Variants in CADM4 observed in about 807,000 individuals in gnomAD.
The protein encoded by CADM4 is cell adhesion molecule 4, also known as TSLC1-like 2.
CADM4 carries 13 observed loss-of-function variants against 43.9 expected under a neutral mutation model. The ratio of observed to expected loss-of-function variants is 0.30; its 90% CI spans 0.19 to 0.47. The LOEUF (loss-of-function observed/expected upper bound fraction) is 0.47, where lower values mean the gene tolerates loss of function less well. Ranked by LOEUF, CADM4 falls within the 20% of genes least tolerant of loss-of-function variation. CADM4 has a pLI of 1.00. For missense variants in CADM4, 420 were observed against 527.0 expected, an observed-to-expected ratio of 0.80 and a Z score of 1.99; for synonymous variants, 209 against 220.9, an observed-to-expected ratio of 0.95 and a Z score of 0.48.
upstream of CADM4, among the ~76,000 whole-genome samples, chr19:43,640,003 C>A (rs1973756237): frequency 6.8e-6 from 1 of 146,010 alleles, no homozygotes; most frequent in African/African-American, 2.5e-5. Context: ...GGTGCGAAAG[C>A]TGGAGAGGAG....
In CADM4 at chr19:43,626,332, C is replaced by G. The variant is rs1484566917; in HGVS notation, c.500-44G>C. 10 of 1,594,868 alleles carry G rather than the reference C, an allele frequency of 6.3e-6. No homozygotes were observed. Among genetic ancestry groups the G allele is most frequent in the Non-Finnish European group, 8.5e-6 (10 of 1,172,054 alleles). ...ACACTGTCAGGCCACAATTCCGGCT[C>G]CATCCACCCACCCACCCGAGCCAAC... On this transcript the variant is annotated intron_variant, in intron 4 of 8. Coordinates refer to ENST00000222374, the MANE Select transcript of CADM4 (RefSeq NM_145296.2). The surrounding 1 kb of genome is among the most constrained non-coding windows in gnomAD (Gnocchi z 5.9).
At chr19:43,629,898 C>T (rs1018599439) in intron 1 of CADM4, among the ~76,000 whole-genome samples, 2 of 151,446 alleles carry the variant, frequency 1.3e-5, no homozygotes, top group South Asian at 2.1e-4. Context: ...ATTACAGGTG[C>T]GACCCACCGC....
rs999292644 is a variant in CADM4 at position 43,622,611 on chromosome 19, C to G, written c.*719G>C. On this transcript the variant is annotated 3_prime_UTR_variant, in exon 9 of 9. Coordinates refer to ENST00000222374, the MANE Select transcript of CADM4 (RefSeq NM_145296.2). ...GAAGACCACGAATCCTCCCCAAACT[C>G]CTTTCCCCCTCCCCGGGGGGCCTGG... is the stretch of plus-strand genomic sequence containing the variant. The G allele has an allele frequency of 2.6e-5, 4 of 152,598 alleles. No individual in the cohort carries two copies. 9.5% of individuals were successfully genotyped at this position (152,598 alleles called of 1,614,324 possible).
chr19:43,636,949 C>T (rs1295190234), intron 1 of CADM4, among the ~76,000 whole-genome samples: 1 of 152,070 alleles, frequency 6.6e-6, no homozygotes, highest in African/African-American at 2.4e-5. Context: ...CAACAACTGC[C>T]CCCTCCACAA....
chr19:43,623,242 CTG>C lies in CADM4; in HGVS notation c.*86_*87del. 1 of 941,140 alleles carries C rather than the reference CTG, an allele frequency of 1.1e-6. No homozygotes were observed. The highest frequency in any genetic ancestry group is 1.7e-5 in the Admixed American group (1 of 57,794). The allele number at this position is 941,140 out of a possible 1,614,324, so 58.3% of individuals were successfully genotyped here. ...GGGGAGAAGCCCACCATCCCAGACT[CTG>C]GTAAATGTCTTTGCTGGTTCCTTGC... is the stretch of plus-strand genomic sequence containing the variant. On this transcript the variant is annotated 3_prime_UTR_variant, in exon 9 of 9. Transcript: ENST00000222374. This position sits in a 1 kb window ranked among gnomAD's most constrained non-coding sequence, Gnocchi z 4.4.
chr19:43,626,375 G>T lies in CADM4; in HGVS notation c.500-87C>A. On this transcript the variant is annotated intron_variant, in intron 4 of 8. Coordinates refer to ENST00000222374, the MANE Select transcript of CADM4 (RefSeq NM_145296.2). This position sits in a 1 kb window ranked among gnomAD's most constrained non-coding sequence, Gnocchi z 5.9. ...GAGCCAACGCCAAAGCAGGCTATTT[G>T]CCAAGCTCCACCCCTTACCCACAGG... 6.6e-7 allele frequency: 1 copy of T among 1,512,400 alleles called. No individual in the cohort carries two copies. Among genetic ancestry groups the T allele is most frequent in the Non-Finnish European group, 8.9e-7 (1 of 1,118,030 alleles). The allele number at this position is 1,512,400 out of a possible 1,614,324, so 93.7% of individuals were successfully genotyped here. A position where few individuals can be genotyped will look rare whatever the true frequency, so the allele number is the denominator to read the frequency against.
At chr19:43,639,682 C>T (rs1412050721) in intron 1 of CADM4, 45 bp downstream of exon 1, 15 of 962,026 alleles carry the variant, frequency 1.6e-5, no homozygotes, top group East Asian at 2.3e-4. Flanking sequence ...CCACAGCGCG[C>T]CCCCCGCCCC....
At chr19:43,634,811 C>T (rs1384872828) in intron 1 of CADM4, among the ~76,000 whole-genome samples, 1 of 151,646 alleles carries the variant, frequency 6.6e-6, no homozygotes, top group East Asian at 1.9e-4. Context: ...TCTCCCAGGA[C>T]CCAGGAGTCT....
Position 43,626,060 on chromosome 19 carries a change from G to T in CADM4, c.665-59C>A. 6.2e-7 allele frequency: 1 copy of T among 1,612,314 alleles called. No individual in the cohort carries two copies. The highest frequency in any genetic ancestry group is 8.5e-7 in the Non-Finnish European group (1 of 1,178,772). The stretch of plus-strand genomic sequence containing the variant: ...CCAAGCCATCACGCAGGACAAGGGG[G>T]ACCCTCGCGGGTGCGGGTGGCTGGC... On this transcript the variant is annotated intron_variant, in intron 5 of 8. Coordinates refer to ENST00000222374, the MANE Select transcript of CADM4 (RefSeq NM_145296.2). This position sits in a 1 kb window ranked among gnomAD's most constrained non-coding sequence, Gnocchi z 5.9.
At chr19:43,636,493 G>A (rs1022017087) in intron 1 of CADM4, among the ~76,000 whole-genome samples, 2 of 152,162 alleles carry the variant, frequency 1.3e-5, no homozygotes, top group Admixed American at 6.5e-5. Flanking sequence ...AGGAGCCTGC[G>A]TGCCTGCTCC....
At chr19:43,639,853 CCGCCCCGCCCCCCG>C (rs1198545513), upstream of CADM4, 12 of 977,018 alleles carry the variant, frequency 1.2e-5, no homozygotes, top group South Asian at 3.2e-4. Context: ...CCCGCGCCGC[CCGCCCCGCCCCCCG>C]CGCCCCGCCC....
Position 43,623,037 on chromosome 19 carries a change from T to C in CADM4, c.*293A>G, listed in dbSNP as rs1464658730. 1.3e-5 allele frequency: 2 copies of C among 155,392 alleles called. No individual in the cohort carries two copies. The highest frequency in any genetic ancestry group is 1.6e-4 in the South Asian group (1 of 6,406). 9.6% of individuals were successfully genotyped at this position (155,392 alleles called of 1,614,324 possible). On this transcript the variant is annotated 3_prime_UTR_variant, in exon 9 of 9. Transcript: ENST00000222374. This position sits in a 1 kb window ranked among gnomAD's most constrained non-coding sequence, Gnocchi z 4.4. ...TTTTGTAGCCTAGGGGCCCTGGCCT[T>C]CCCCCAGTTATCTTCCCCCAACCCA...
At chr19:43,640,264 G>A (rs1213776182), upstream of CADM4, among the ~76,000 whole-genome samples, 1 of 151,654 alleles carries the variant, frequency 6.6e-6, no homozygotes, top group African/African-American at 2.4e-5. Flanking sequence ...CGGTGTGTGC[G>A]AAGGGAGAGC....
chr19:43,623,196 C>T lies in CADM4; in HGVS notation c.*134G>A. 2 of 700,770 alleles carry T rather than the reference C, an allele frequency of 2.9e-6. No individual in the cohort carries two copies. Among genetic ancestry groups the T allele is most frequent in the Non-Finnish European group, 2.6e-6 (1 of 389,584 alleles). The allele number at this position is 700,770 out of a possible 1,614,324, so 43.4% of individuals were successfully genotyped here. A position where few individuals can be genotyped will look rare whatever the true frequency, so the allele number is the denominator to read the frequency against. Reference sequence around the variant, plus strand: ...TCCAACACCCCCATCCCTGCCCAAGCGTCTGAGGTGTTAGTGGTGGGGGGA... The same window carrying T: ...TCCAACACCCCCATCCCTGCCCAAGTGTCTGAGGTGTTAGTGGTGGGGGGA... On this transcript the variant is annotated 3_prime_UTR_variant, in exon 9 of 9. Coordinates refer to ENST00000222374, the MANE Select transcript of CADM4 (RefSeq NM_145296.2). The surrounding 1 kb of genome is among the most constrained non-coding windows in gnomAD (Gnocchi z 4.4).
Position 43,626,769 on chromosome 19 carries a change from C to T in CADM4, c.499+15G>A. 3 of 1,557,624 alleles carry T rather than the reference C, an allele frequency of 1.9e-6. No individual in the cohort carries two copies. The highest frequency in any genetic ancestry group is 1.4e-5 in the African/African-American group (1 of 73,088). ...ACCTCCTCCCCATCCCTTGTCAGCA[C>T]TCGGCCCAGGGTACCTTTCAGCTCC... On this transcript the variant is annotated intron_variant, in intron 4 of 8. Transcript: ENST00000222374. This position sits in a 1 kb window ranked among gnomAD's most constrained non-coding sequence, Gnocchi z 5.9.
Position 43,623,284 on chromosome 19 carries a change from G to T in CADM4, c.*46C>A, listed in dbSNP as rs1295205322. The T allele has an allele frequency of 6.9e-7, 1 of 1,445,344 alleles. No individual in the cohort carries two copies. The highest frequency in any genetic ancestry group is 1.4e-5 in the African/African-American group (1 of 71,598). 89.5% of individuals were successfully genotyped at this position (1,445,344 alleles called of 1,614,324 possible). ...TGGTTCCTTGCAGCTGGCAGTGGGG[G>T]GGACCCCAGCCCAGGCCCAGGCCTA... On this transcript the variant is annotated 3_prime_UTR_variant, in exon 9 of 9. Transcript: ENST00000222374. This position sits in a 1 kb window ranked among gnomAD's most constrained non-coding sequence, Gnocchi z 4.4.
chr19:43,625,169 C>T lies in CADM4; in HGVS notation c.837G>A (p.Pro279=), dbSNP rs145789919. The change falls in exon 7 of 9, where the codon CCG becomes CCA. Residue 279 remains proline, a synonymous_variant. Transcript: ENST00000222374. This position sits in a 1 kb window ranked among gnomAD's most constrained non-coding sequence, Gnocchi z 4.5. ...AEAVGETLTL[P]GLVSADNGTY... The stretch of plus-strand genomic sequence containing the variant: ...TGCCGTTATCCGCGGATACCAGACC[C>T]GGCAGCGTGAGCGTCTCTCCCACGG... 2 of 1,614,096 alleles carry T rather than the reference C, an allele frequency of 1.2e-6. No homozygotes were observed. The highest frequency in any genetic ancestry group is 1.3e-5 in the African/African-American group (1 of 74,948).
At position 43,627,016 on chromosome 19, in the gene CADM4, G is replaced by A. The variant is rs1217083398; in HGVS notation, c.365-98C>T. 1.4e-6 allele frequency: 2 copies of A among 1,481,276 alleles called. No homozygotes were observed. The highest frequency in any genetic ancestry group is 1.8e-6 in the Non-Finnish European group (2 of 1,110,612). The allele number at this position is 1,481,276 out of a possible 1,614,324, so 91.8% of individuals were successfully genotyped here. On this transcript the variant is annotated intron_variant, in intron 3 of 8. Transcript: ENST00000222374. The surrounding 1 kb of genome is among the most constrained non-coding windows in gnomAD (Gnocchi z 4.0). Reference sequence around the variant, plus strand: ...TTCCCAGCGACCATAGGGAACCAGGGTCCCAGGTGGCAGGGGTCAAAGGGG... The same window carrying A: ...TTCCCAGCGACCATAGGGAACCAGGATCCCAGGTGGCAGGGGTCAAAGGGG...
intron 1 of CADM4, among the ~76,000 whole-genome samples, chr19:43,636,385 T>G (rs754602166): frequency 1.3e-5 from 2 of 152,040 alleles, no homozygotes; most frequent in Non-Finnish European, 1.5e-5. Context: ...CTGAGCTCCC[T>G]CTGTCCGAAC....
Sources: allele counts gnomAD v4.1 joint callset (sites outside exome capture counted in the v4.1 genomes callset), GRCh38; gene constraint gnomAD v4.1.1; non-coding constraint Gnocchi (gnomAD v3.1); transcripts MANE v1.5; gene names NCBI Gene and HGNC (gene_info 2026-07-23, HGNC 2026-07-21).